Variants in H6PD observed in about 807,000 individuals in gnomAD.
H6PD encodes the protein GDH/6PGL endoplasmic bifunctional protein.
A neutral mutation model predicts 61.2 loss-of-function variants in H6PD; 48 were observed. The ratio of observed to expected loss-of-function variants is 0.78; its 90% CI spans 0.62 to 1.00. The LOEUF (loss-of-function observed/expected upper bound fraction) is 1.00. Ranked by LOEUF, H6PD falls within the 50% of genes least tolerant of loss-of-function variation. The pLI is 0.00. For missense variants in H6PD, 1,093 were observed against 1,065.0 expected, an observed-to-expected ratio of 1.03 and a Z score of -0.37; for synonymous variants, 480 against 457.9, an observed-to-expected ratio of 1.05 and a Z score of -0.62.
Position 9,267,399 on chromosome 1 carries a change from C to G in H6PD, c.*2530C>G, listed in dbSNP as rs1327876524. Reference sequence around the variant, plus strand: ...AGGGTACCTGGCCCCAGCACTCTCCCATCTGTTCTTCAGGAACCGACTCCT... The same window carrying G: ...AGGGTACCTGGCCCCAGCACTCTCCGATCTGTTCTTCAGGAACCGACTCCT... On this transcript the variant is annotated 3_prime_UTR_variant, in exon 5 of 5. Coordinates refer to ENST00000377403, the MANE Select transcript of H6PD (RefSeq NM_004285.4). 3 of 152,304 alleles carry G rather than the reference C, an allele frequency of 2.0e-5. No individual in the cohort carries two copies. Among genetic ancestry groups the G allele is most frequent in the Non-Finnish European group, 4.4e-5 (3 of 68,104 alleles). 9.4% of individuals were successfully genotyped at this position (152,304 alleles called of 1,614,324 possible).
rs538540170 is a variant in H6PD at position 9,245,272 on chromosome 1, C to T, written c.338C>T (p.Thr113Met). 11 of 1,614,086 alleles carry T rather than the reference C, an allele frequency of 6.8e-6. No individual in the cohort carries two copies. Among genetic ancestry groups the T allele is most frequent in the African/African-American group, 2.7e-5 (2 of 74,952 alleles). The change falls in exon 2 of 5, where the codon ACG (threonine) becomes ATG (methionine). Residue 113 changes from threonine (T) to methionine (M), a missense_variant. Transcript: ENST00000377403. The surrounding 1 kb of genome is among the most constrained non-coding windows in gnomAD (Gnocchi z 4.8). ...CTGAGCCAGTACCGCCAACTGAAGA[C>T]GGCCGAGGACTATCAGGCCCTGAAC... is the stretch of plus-strand genomic sequence containing the variant. ...LQLSQYRQLK[T>M]AEDYQALNKD... is the part of the protein sequence containing the mutation.
intron 3 of H6PD, among the ~76,000 whole-genome samples, chr1:9,258,174 C>G (rs150751133): frequency 1.3e-5 from 2 of 152,210 alleles, no homozygotes; most frequent in African/African-American, 2.4e-5. Flanking sequence ...GGTGTTGTTA[C>G]GTTGCTATTG....
chr1:9,261,182 G>A (rs2268169), intron 3 of H6PD, among the ~76,000 whole-genome samples: 60,021 of 151,828 alleles, frequency 0.4, 13,082 homozygotes, highest in East Asian at 0.55. Flanking sequence ...GTCAGGTCTC[G>A]TCTTCTCCTG....
At chr1:9,249,018 T>C (rs1028925354) in intron 3 of H6PD, among the ~76,000 whole-genome samples, 11 of 152,180 alleles carry the variant, frequency 7.2e-5, no homozygotes, top group African/African-American at 2.2e-4. Flanking sequence ...TAGAGCAGAA[T>C]TGGAGGGGGT....
chr1:9,249,372 A>T (rs916500414), intron 3 of H6PD, among the ~76,000 whole-genome samples: 1 of 152,228 alleles, frequency 6.6e-6, no homozygotes, highest in African/African-American at 2.4e-5. Context: ...AAAGACAGAC[A>T]GGTGGAGCTC....
intron 4 of H6PD, among the ~76,000 whole-genome samples, chr1:9,262,778 G>C (rs1638367367): frequency 6.6e-6 from 1 of 152,208 alleles, no homozygotes; most frequent in Admixed American, 6.5e-5. Flanking sequence ...TCCTCACCAG[G>C]TAGCAGCCAG....
At chr1:9,255,038 A>G (rs1408170636) in intron 3 of H6PD, among the ~76,000 whole-genome samples, 5 of 152,122 alleles carry the variant, frequency 3.3e-5, no homozygotes, top group African/African-American at 1.2e-4. Context: ...ATTTCTTTTT[A>G]CTGCTGAATA....
chr1:9,263,523 A>G lies in H6PD; in HGVS notation c.1030A>G (p.Ile344Val), dbSNP rs1272769432. The change falls in exon 5 of 5, where the codon ATT becomes GTT. Residue 344 changes from isoleucine to valine, a missense_variant. Transcript: ENST00000377403. ...CCTCACCCCAGCCGTCCTAGTGCAC[A>G]TTGACAACCTTCGCTGGGAGGGCGT... is the stretch of plus-strand genomic sequence containing the variant. ...TPTFAAVLVH[I>V]DNLRWEGVPF... 1.2e-6 allele frequency: 2 copies of G among 1,614,036 alleles called. No homozygotes were observed. Among genetic ancestry groups the G allele is most frequent in the Non-Finnish European group, 1.7e-6 (2 of 1,180,002 alleles).
At chr1:9,248,391 C>G (rs1641253734) in intron 3 of H6PD, among the ~76,000 whole-genome samples, 1 of 152,166 alleles carries the variant, frequency 6.6e-6, no homozygotes, top group South Asian at 2.1e-4. Flanking sequence ...TCTGCGGGGC[C>G]GAGGTGCCAC....
rs556954366 is a variant in H6PD at position 9,259,786 on chromosome 1, A to G, written c.746-2273A>G. On this transcript the variant is annotated intron_variant, in intron 3 of 4. Coordinates refer to ENST00000377403, the MANE Select transcript of H6PD (RefSeq NM_004285.4). ...ACTGGTGTTACATTGTTGTTACACC[A>G]GTGTTGTTATGTTGCTGTTGTTACG... Among the ~76,000 whole-genome samples the G allele has an allele frequency of 4.0e-5, 6 of 151,238 alleles. No homozygotes were observed. In the South Asian group the frequency reaches 8.4e-4, roughly 21 times the overall value.
rs1638507928 is a variant in H6PD at position 9,264,965 on chromosome 1, G to C, written c.*96G>C. On this transcript the variant is annotated 3_prime_UTR_variant, in exon 5 of 5. Coordinates refer to ENST00000377403, the MANE Select transcript of H6PD (RefSeq NM_004285.4). ...CCCGCCACCTGCCCAGCGTGCCCTG[G>C]CTCTCCAGAACCTTCTATCCCACAG... is the stretch of plus-strand genomic sequence containing the variant. The C allele has an allele frequency of 7.3e-6, 10 of 1,361,564 alleles. No individual in the cohort carries two copies. The South Asian group carries it at 1.2e-4, about 16-fold the overall frequency. The allele number at this position is 1,361,564 out of a possible 1,614,324, so 84.3% of individuals were successfully genotyped here.
At position 9,270,947 on chromosome 1, in the gene H6PD, C is replaced by CTTTTTTTTTTTTTTTTTTTTTT. The variant is rs5772361; in HGVS notation, c.*6090_*6091insTTTTTTTTTTTTTTTTTTTTTT. 2.1e-5 allele frequency: 3 copies of CTTTTTTTTTTTTTTTTTTTTTT among 140,110 alleles called. 1 individual carries two copies. The highest frequency in any genetic ancestry group is 5.5e-5 in the African/African-American group (2 of 36,292). The allele number at this position is 140,110 out of a possible 1,614,324, so 8.7% of individuals were successfully genotyped here. A position where few individuals can be genotyped will look rare whatever the true frequency, so the allele number is the denominator to read the frequency against. ...TGATGAGGCACATTCAGAACAAATG[C>CTTTTTTTTTTTTTTTTTTTTTT]TTTTTTTTTTTTGAGACAGAGTCTC... is the stretch of plus-strand genomic sequence containing the variant. On this transcript the variant is annotated 3_prime_UTR_variant, in exon 5 of 5. Coordinates refer to ENST00000377403, the MANE Select transcript of H6PD (RefSeq NM_004285.4).
chr1:9,241,213 G>C (rs978537545), intron 1 of H6PD, among the ~76,000 whole-genome samples: 1 of 151,960 alleles, frequency 6.6e-6, no homozygotes, highest in African/African-American at 2.4e-5. Flanking sequence ...ATTAACATTT[G>C]TATAGCATTT....
chr1:9,249,219 C>T (rs545660431), intron 3 of H6PD, among the ~76,000 whole-genome samples: 1 of 152,284 alleles, frequency 6.6e-6, no homozygotes, highest in South Asian at 2.1e-4. Context: ...TTCCAGCCCT[C>T]CCACCCTGTT....
chr1:9,242,679 C>T, intron 1 of H6PD: 1 of 985,470 alleles, frequency 1.0e-6, no homozygotes, highest in Admixed American at 6.1e-5. Flanking sequence ...GGCTCCCCCA[C>T]CTGCCCATGC....
Position 9,264,191 on chromosome 1 carries a change from G to A in H6PD, c.1698G>A (p.Lys566=). 1 of 1,611,668 alleles carries A rather than the reference G, an allele frequency of 6.2e-7. No homozygotes were observed. The highest frequency in any genetic ancestry group is 1.3e-5 in the African/African-American group (1 of 75,004). Residue 566 remains lysine (K), a synonymous_variant, in exon 5 of 5, where the codon AAG becomes AAA. Transcript: ENST00000377403. Reference sequence around the variant, plus strand: ...CCTGGTCCGAGGAGCTGATCTCTAAGCTGGCTAATGACATCGAGGCCACCG... The same window carrying A: ...CCTGGTCCGAGGAGCTGATCTCTAAACTGGCTAATGACATCGAGGCCACCG... ...VSAWSEELIS[K]LANDIEATAV... is the part of the protein sequence containing the mutation.
rs1268620316 is a variant in H6PD, at chr1:9,264,705, C to T, written c.2212C>T (p.Arg738Cys). ...RMSLSLPLIN[R>C]AKKVAVLVMG... ...GAGCCTTAGCCTGCCTCTCATCAAC[C>T]GCGCCAAGAAGGTGGCAGTCCTGGT... The change falls in exon 5 of 5, where the codon CGC (arginine) becomes TGC (cysteine). Residue 738 changes from arginine to cysteine, a missense_variant. Coordinates refer to ENST00000377403, the MANE Select transcript of H6PD (RefSeq NM_004285.4). 26 of 1,613,438 alleles carry T rather than the reference C, an allele frequency of 1.6e-5. No individual in the cohort carries two copies. Among genetic ancestry groups the T allele is most frequent in the Middle Eastern group, 3.3e-4 (2 of 6,062 alleles).
In H6PD at chr1:9,237,236, C is replaced by CTTTTTTTT. The variant is rs370751354; in HGVS notation, c.-11+2189_-11+2196dup. Among the ~76,000 whole-genome samples the CTTTTTTTT allele has an allele frequency of 5.9e-3, 419 of 71,034 alleles. 79 individuals are homozygous for CTTTTTTTT. Among genetic ancestry groups the CTTTTTTTT allele is most frequent in the African/African-American group, 0.016 (330 of 20,080 alleles). The allele number at this position is 71,034 out of a possible 152,430, so 46.6% of individuals were successfully genotyped here. On this transcript the variant is annotated intron_variant, in intron 1 of 4. Transcript: ENST00000377403. Reference sequence around the variant, plus strand: ...ACCTTTGGTAAGTTATTTGACTTCTCTTTTTTTTTTTTTTTTTTTTTTTTT... The same window carrying CTTTTTTTT: ...ACCTTTGGTAAGTTATTTGACTTCTCTTTTTTTTTTTTTTTTTTTTTTTTTTTTTTTTT...
Position 9,270,245 on chromosome 1 carries a change from C to T in H6PD, c.*5376C>T, listed in dbSNP as rs1166100472. The T allele has an allele frequency of 6.6e-6, 1 of 152,642 alleles. No individual in the cohort carries two copies. Among genetic ancestry groups the T allele is most frequent in the Non-Finnish European group, 1.5e-5 (1 of 68,052 alleles). The allele number at this position is 152,642 out of a possible 1,614,324, so 9.5% of individuals were successfully genotyped here. A position where few individuals can be genotyped will look rare whatever the true frequency, so the allele number is the denominator to read the frequency against. ...GCTTTAAAGGCAGTCTGCATCTTTT[C>T]TTCCCTTGGTGTGGGAGAGGTAAAC... On this transcript the variant is annotated 3_prime_UTR_variant, in exon 5 of 5. Coordinates refer to ENST00000377403, the MANE Select transcript of H6PD (RefSeq NM_004285.4).
Sources: gnomAD v4.1 joint callset for allele counts (sites outside exome capture counted in the v4.1 genomes callset) on GRCh38, gnomAD v4.1.1 for gene constraint, Gnocchi (gnomAD v3.1) non-coding constraint, MANE v1.5 for transcripts, NCBI Gene and HGNC (gene_info 2026-07-23, HGNC 2026-07-21) for gene names.